The following TRUB1 variants were observed in gnomAD, a reference collection of about 807,000 sequenced individuals.
The protein encoded by TRUB1 is pseudouridylate synthase TRUB1.
TRUB1 carries 23 observed loss-of-function variants against 33.9 expected under a neutral mutation model. The observed-to-expected ratio is 0.68, with a 90% CI of 0.49 to 0.96. The LOEUF (loss-of-function observed/expected upper bound fraction) is 0.96. TRUB1 is among the 40% of genes least tolerant of loss of function. The pLI is 0.00. For missense variants in TRUB1, 378 were observed against 422.2 expected (o/e 0.90, Z 0.92); for synonymous variants, 163 against 165.4 (o/e 0.99, Z 0.11).
chr10:114,976,521 C>G lies in TRUB1; in HGVS notation c.*1142C>G, dbSNP rs1304578135. On this transcript the variant is annotated 3_prime_UTR_variant, in exon 8 of 8. Transcript: ENST00000298746. ...AGCCAGTCTGTAGAAACATTCAGATCCCTCTTCCTTTACTCAAATACAGTT... is the reference window on the plus strand; with the variant it reads ...AGCCAGTCTGTAGAAACATTCAGATGCCTCTTCCTTTACTCAAATACAGTT... 1 of 152,094 alleles carries G rather than the reference C, an allele frequency of 6.6e-6. No individual in the cohort carries two copies. The highest frequency in any genetic ancestry group is 2.4e-5 in the African/African-American group (1 of 41,434). 9.4% of individuals were successfully genotyped at this position (152,094 alleles called of 1,614,324 possible). A position where few individuals can be genotyped will look rare whatever the true frequency, so the allele number is the denominator to read the frequency against.
chr10:114,974,519 A>C (rs2084351365), intron 7 of TRUB1, 134 bp downstream of exon 7: 2 of 665,354 alleles, frequency 3.0e-6, no homozygotes, highest in Admixed American at 5.8e-5. Context: ...TTCAGCTTTA[A>C]AAGCATTGTA....
At chr10:114,972,060 A>G (rs1322514980) in intron 5 of TRUB1, 75 bp from the exon 6 acceptor site, 3 of 1,515,132 alleles carry the variant, frequency 2.0e-6, no homozygotes, top group Admixed American at 2.2e-5. Flanking sequence ...TGAAATTATC[A>G]TCTCCCAATC....
At chr10:114,944,172 T>C (rs2084201716) in intron 2 of TRUB1, among the ~76,000 whole-genome samples, 1 of 152,028 alleles carries the variant, frequency 6.6e-6, no homozygotes, top group East Asian at 1.9e-4. Flanking sequence ...TCCCGACATA[T>C]GAGAAACAAA....
chr10:114,947,017 A>G (rs951580266), intron 2 of TRUB1, among the ~76,000 whole-genome samples: 12 of 152,300 alleles, frequency 7.9e-5, no homozygotes, highest in East Asian at 1.9e-4. Context: ...AGTGGACCCA[A>G]TGTAATCACA....
intron 2 of TRUB1, among the ~76,000 whole-genome samples, chr10:114,946,862 AAAT>A (rs1328310021): frequency 6.6e-6 from 1 of 152,188 alleles, no homozygotes; most frequent in Non-Finnish European, 1.5e-5. Flanking sequence ...GTGGTAGGCA[AAAT>A]AATGGCCCTC....
At chr10:114,959,164 A>C (rs2084274525) in intron 3 of TRUB1, among the ~76,000 whole-genome samples, 2 of 152,172 alleles carry the variant, frequency 1.3e-5, no homozygotes, top group Admixed American at 1.3e-4. Context: ...AAACACATTT[A>C]ATAGTTAAGT....
intron 4 of TRUB1, among the ~76,000 whole-genome samples, chr10:114,963,367 A>G (rs991237458): frequency 6.6e-6 from 1 of 152,226 alleles, no homozygotes; most frequent in African/African-American, 2.4e-5. Flanking sequence ...AAATTGTGAT[A>G]TGAACCAATA....
At chr10:114,968,509 G>A (rs1325250518) in intron 4 of TRUB1, among the ~76,000 whole-genome samples, 1 of 152,180 alleles carries the variant, frequency 6.6e-6, no homozygotes, top group Non-Finnish European at 1.5e-5. Flanking sequence ...GTATGACTAA[G>A]GTGCCGCTAG....
chr10:114,944,725 C>A (rs937472103), intron 2 of TRUB1, among the ~76,000 whole-genome samples: 1 of 152,076 alleles, frequency 6.6e-6, no homozygotes, highest in Non-Finnish European at 1.5e-5. Context: ...TGACTCATGC[C>A]TATAATCCCA....
At chr10:114,957,483 T>A (rs1333627285) in intron 3 of TRUB1, among the ~76,000 whole-genome samples, 1 of 152,236 alleles carries the variant, frequency 6.6e-6, no homozygotes, top group Non-Finnish European at 1.5e-5. Flanking sequence ...TTAAGAAACA[T>A]GATCGAATTT....
intron 4 of TRUB1, chr10:114,960,054 A>G (rs530161896): frequency 7.5e-6 from 3 of 401,616 alleles, no homozygotes; most frequent in African/African-American, 2.1e-5. Context: ...TATTCTTCCA[A>G]ATAACCTCCT....
At position 114,976,433 on chromosome 10, in the gene TRUB1, A is replaced by G. The variant is rs1421743385; in HGVS notation, c.*1054A>G. On this transcript the variant is annotated 3_prime_UTR_variant, in exon 8 of 8. Transcript: ENST00000298746. ...ATTTTTTAAATGTAGCCACATTGTAATAGTAAACTTCATATATAATGAGTG... is the reference window on the plus strand; with the variant it reads ...ATTTTTTAAATGTAGCCACATTGTAGTAGTAAACTTCATATATAATGAGTG... 1 of 152,146 alleles carries G rather than the reference A, an allele frequency of 6.6e-6. No homozygotes were observed. The highest frequency in any genetic ancestry group is 1.5e-5 in the Non-Finnish European group (1 of 68,006). 9.4% of individuals were successfully genotyped at this position (152,146 alleles called of 1,614,324 possible).
chr10:114,962,611 G>T (rs2084289021), intron 4 of TRUB1, among the ~76,000 whole-genome samples: 1 of 152,190 alleles, frequency 6.6e-6, no homozygotes, highest in South Asian at 2.1e-4. Context: ...GACTGGGTGG[G>T]GTGGTGACAC....
At chr10:114,960,705 C>T (rs2084281549) in intron 4 of TRUB1, among the ~76,000 whole-genome samples, 1 of 151,934 alleles carries the variant, frequency 6.6e-6, no homozygotes, top group Non-Finnish European at 1.5e-5. Flanking sequence ...GATTTCAAGG[C>T]TTTTCAAAAA....
intron 6 of TRUB1, among the ~76,000 whole-genome samples, chr10:114,972,539 A>G: frequency 6.6e-6 from 1 of 152,222 alleles, no homozygotes; most frequent in Non-Finnish European, 1.5e-5. Context: ...AGTTGAAAGT[A>G]ACATACTTTA....
chr10:114,975,888 T>C lies in TRUB1; in HGVS notation c.*509T>C, dbSNP rs570036995. On this transcript the variant is annotated 3_prime_UTR_variant, in exon 8 of 8. Transcript: ENST00000298746. Reference sequence around the variant, plus strand: ...TTTGGAGAGTTTATTATTAAAAACATTTCTTTGATAAAATGGCCATCATCT... The same window carrying C: ...TTTGGAGAGTTTATTATTAAAAACACTTCTTTGATAAAATGGCCATCATCT... 6.6e-6 allele frequency: 1 copy of C among 152,356 alleles called. No individual in the cohort carries two copies. Among genetic ancestry groups the C allele is most frequent in the African/African-American group, 2.4e-5 (1 of 41,574 alleles). The allele number at this position is 152,356 out of a possible 1,614,324, so 9.4% of individuals were successfully genotyped here.
At chr10:114,951,579 C>A (rs575908788) in intron 3 of TRUB1, among the ~76,000 whole-genome samples, 9 of 152,202 alleles carry the variant, frequency 5.9e-5, no homozygotes, top group Non-Finnish European at 1.2e-4. Context: ...AAGAGTAGGG[C>A]CTCTTTAAGA....
In TRUB1 at chr10:114,970,352, T is replaced by G; in HGVS notation, c.524-16T>G. 6.3e-7 allele frequency: 1 copy of G among 1,580,120 alleles called. No individual in the cohort carries two copies. The highest frequency in any genetic ancestry group is 1.7e-5 in the Admixed American group (1 of 59,132). On this transcript the variant is annotated splice_polypyrimidine_tract_variant and intron_variant, in intron 4 of 7. Coordinates refer to ENST00000298746, the MANE Select transcript of TRUB1 (RefSeq NM_139169.5). ...TCTGTGGTTGTTTTAGTGTCTTTTT[T>G]GTTGATTTTTGGCAGATAAAATAAC... is the stretch of plus-strand genomic sequence containing the variant.
rs76145846 is a variant in TRUB1, at chr10:114,974,919, G to A, written c.794-204G>A. 7.1e-4 allele frequency among the ~76,000 whole-genome samples: 108 copies of A among 152,222 alleles called. No homozygotes were observed. In the East Asian group the frequency reaches 0.017, roughly 24 times the overall value. ...GTGCAAGTTCTTTGTTGATTTTAAA[G>A]CAGCTTATAAGGTGGATTATTAAGT... On this transcript the variant is annotated intron_variant, in intron 7 of 7. Transcript: ENST00000298746.
Sources: gnomAD v4.1 joint callset for allele counts (sites outside exome capture counted in the v4.1 genomes callset) on GRCh38, gnomAD v4.1.1 for gene constraint, MANE v1.5 for transcripts, NCBI Gene and HGNC (gene_info 2026-07-23, HGNC 2026-07-21) for gene names.